Variants in MNAT1 observed in about 807,000 individuals in gnomAD.
MNAT1 encodes the protein MNAT1 component of CDK activating kinase.
In MNAT1, 43 loss-of-function variants were observed where a neutral mutation model predicts 42.0. The ratio of observed to expected loss-of-function variants is 1.02; its 90% CI spans 0.80 to 1.32. The LOEUF (loss-of-function observed/expected upper bound fraction) is 1.32, where lower values mean the gene tolerates loss of function less well. Ranked by LOEUF, MNAT1 falls within the 40% of genes most tolerant of loss-of-function variation. The probability of loss-of-function intolerance (pLI) is 0.00; values close to 1 mark genes in which losing one functional copy is unlikely to be tolerated. For missense variants in MNAT1, 306 were observed against 350.4 expected, an observed-to-expected ratio of 0.87 and a Z score of 1.01; for synonymous variants, 118 against 120.0, an observed-to-expected ratio of 0.98 and a Z score of 0.11.
chr14:60,864,030 A>G (rs2034153542), intron 6 of MNAT1, among the ~76,000 whole-genome samples: 1 of 151,976 alleles, frequency 6.6e-6, no homozygotes, highest in Admixed American at 6.6e-5. Flanking sequence ...AGAAAATATT[A>G]TTTTTGCTTG....
At chr14:60,750,412 A>G (rs2030029407) in intron 1 of MNAT1, among the ~76,000 whole-genome samples, 1 of 150,980 alleles carries the variant, frequency 6.6e-6, no homozygotes, top group Non-Finnish European at 1.5e-5. Flanking sequence ...GTATTTTATT[A>G]GTAGAGATAG....
rs1180333204 is a variant in MNAT1 at position 60,818,731 on chromosome 14, G to C, written c.571G>C (p.Asp191His). The change falls in exon 6 of 8, where the codon GAT (aspartate) becomes CAT (histidine). Residue 191 changes from aspartate (D) to histidine (H), a missense_variant. Asp to His is a moderately conservative substitution (Grantham distance 81). Coordinates refer to ENST00000261245, the MANE Select transcript of MNAT1 (RefSeq NM_002431.4). ...TGAACTATTCTTACAGGAGAGTTCT[G>C]ATCTCCCTGTTGCTCTGCTTTTGGC... Reference protein sequence around the residue: ...QAFLDELESSDLPVALLLAQH... With the variant: ...QAFLDELESSHLPVALLLAQH... 5.0e-6 allele frequency: 8 copies of C among 1,607,060 alleles called. No individual in the cohort carries two copies. The highest frequency in any genetic ancestry group is 2.7e-5 in the African/African-American group (2 of 74,762).
intron 7 of MNAT1, among the ~76,000 whole-genome samples, chr14:60,890,480 T>G (rs1463380081): frequency 2.0e-5 from 3 of 151,998 alleles, no homozygotes; most frequent in Non-Finnish European, 4.4e-5. Context: ...TATTACGGAG[T>G]ATTGACTCAC....
At chr14:60,849,138 T>C (rs953805391) in intron 6 of MNAT1, among the ~76,000 whole-genome samples, 4 of 152,202 alleles carry the variant, frequency 2.6e-5, no homozygotes, top group African/African-American at 9.6e-5. Context: ...TTTTGGATAG[T>C]TTTCTTGTTA....
In MNAT1 at chr14:60,740,023, A is replaced by G. The variant is rs1397209874; in HGVS notation, c.89+5072A>G. On this transcript the variant is annotated intron_variant, in intron 1 of 7. Coordinates refer to ENST00000261245, the MANE Select transcript of MNAT1 (RefSeq NM_002431.4). This position sits in a 1 kb window ranked among gnomAD's most constrained non-coding sequence, Gnocchi z 4.1. ...ACAATAATTAGCTGGGTGTGGTGGC[A>G]TGGGCATGTAATCCCAGGTACTTGG... is the stretch of plus-strand genomic sequence containing the variant. 6.6e-6 allele frequency among the ~76,000 whole-genome samples: 1 copy of G among 152,178 alleles called. No individual in the cohort carries two copies. Among genetic ancestry groups the G allele is most frequent in the Non-Finnish European group, 1.5e-5 (1 of 68,020 alleles).
At chr14:60,933,772 G>C (rs553244652) in intron 7 of MNAT1, among the ~76,000 whole-genome samples, 34 of 151,990 alleles carry the variant, frequency 2.2e-4, no homozygotes, top group Non-Finnish European at 3.8e-4. Context: ...GTATTCCTTT[G>C]AGAGGCTCTG....
chr14:60,857,561 A>G (rs960800113), intron 6 of MNAT1, among the ~76,000 whole-genome samples: 2 of 152,228 alleles, frequency 1.3e-5, no homozygotes, highest in African/African-American at 4.8e-5. Flanking sequence ...AACTTAGTTG[A>G]TAAAGCAGTG....
At position 60,969,666 on chromosome 14, in the gene MNAT1, TC is replaced by T. The variant is rs2036747050; in HGVS notation, c.*1320del. ...TCCTATTCCTGTATCTATTAGGTATTCCCGAACTGAGGATTAGTGTTTTTAA... is the reference window on the plus strand; with the variant it reads ...TCCTATTCCTGTATCTATTAGGTATTCCGAACTGAGGATTAGTGTTTTTAA... On this transcript the variant is annotated 3_prime_UTR_variant, in exon 8 of 8. Coordinates refer to ENST00000261245, the MANE Select transcript of MNAT1 (RefSeq NM_002431.4). The T allele has an allele frequency of 1.3e-5, 2 of 152,142 alleles. No individual in the cohort carries two copies. Among genetic ancestry groups the T allele is most frequent in the South Asian group, 4.1e-4 (2 of 4,828 alleles). 9.4% of individuals were successfully genotyped at this position (152,142 alleles called of 1,614,324 possible). A position where few individuals can be genotyped will look rare whatever the true frequency, so the allele number is the denominator to read the frequency against.
At chr14:60,866,710 C>T (rs2034210830) in intron 6 of MNAT1, among the ~76,000 whole-genome samples, 1 of 152,048 alleles carries the variant, frequency 6.6e-6, no homozygotes, top group South Asian at 2.1e-4. Flanking sequence ...TAAGCCAATA[C>T]AAGGAATTTA....
At chr14:60,941,722 T>C (rs1471850925) in intron 7 of MNAT1, among the ~76,000 whole-genome samples, 1 of 148,068 alleles carries the variant, frequency 6.8e-6, no homozygotes, top group Non-Finnish European at 1.5e-5. Flanking sequence ...AAAAAGTCAA[T>C]GGCCGGGCGC....
chr14:60,871,095 G>A (rs1311490401), intron 6 of MNAT1, among the ~76,000 whole-genome samples: 1 of 152,134 alleles, frequency 6.6e-6, no homozygotes, highest in East Asian at 1.9e-4. Context: ...TTGTTGAATA[G>A]TAATAAAATT....
At chr14:60,834,701 C>A (rs545743769) in intron 6 of MNAT1, among the ~76,000 whole-genome samples, 6 of 152,108 alleles carry the variant, frequency 3.9e-5, no homozygotes, top group Non-Finnish European at 7.4e-5. Flanking sequence ...AGTTCAAGTC[C>A]TGTATATCCT....
intron 7 of MNAT1, among the ~76,000 whole-genome samples, chr14:60,909,582 TC>T (rs1274986870): frequency 6.6e-6 from 1 of 152,128 alleles, no homozygotes; most frequent in Admixed American, 6.5e-5. Context: ...AAATAGGGAA[TC>T]CTTTCCCCAT....
chr14:60,903,634 T>G (rs2035119785), intron 7 of MNAT1, among the ~76,000 whole-genome samples: 1 of 152,184 alleles, frequency 6.6e-6, no homozygotes, highest in African/African-American at 2.4e-5. Context: ...GCTTTCACTG[T>G]GATTGTGCTT....
chr14:60,962,589 A>T lies in MNAT1; in HGVS notation c.810-5640A>T, dbSNP rs561099986. 2.0e-5 allele frequency among the ~76,000 whole-genome samples: 3 copies of T among 152,312 alleles called. No homozygotes were observed. The South Asian group carries it at 6.2e-4, about 32-fold the overall frequency. On this transcript the variant is annotated intron_variant, in intron 7 of 7. Coordinates refer to ENST00000261245, the MANE Select transcript of MNAT1 (RefSeq NM_002431.4). ...ATTAACTGTCAGTAATAACTGTTCT[A>T]TCCAAAATACCTGGTGTGCTCTTTG...
intron 7 of MNAT1, among the ~76,000 whole-genome samples, chr14:60,916,680 A>G (rs1025839573): frequency 1.3e-5 from 2 of 152,044 alleles, no homozygotes; most frequent in African/African-American, 4.8e-5. Context: ...GGCCAGGTGC[A>G]GTGGCTTATG....
chr14:60,950,754 G>A (rs528030269), intron 7 of MNAT1, among the ~76,000 whole-genome samples: 4 of 152,122 alleles, frequency 2.6e-5, no homozygotes, highest in East Asian at 1.9e-4. Flanking sequence ...ATCTTTCGAC[G>A]AAGCTTCATA....
intron 5 of MNAT1, among the ~76,000 whole-genome samples, chr14:60,816,530 T>TA (rs2032721202): frequency 6.6e-6 from 1 of 152,084 alleles, no homozygotes. Flanking sequence ...AAATGGTCAT[T>TA]ATAAAGCTTT....
intron 1 of MNAT1, among the ~76,000 whole-genome samples, chr14:60,757,127 A>G (rs1181533054): frequency 1.3e-5 from 2 of 152,182 alleles, no homozygotes; most frequent in African/African-American, 4.8e-5. Flanking sequence ...TTGTTCAGAA[A>G]CATAACACAG....
Sources: gnomAD v4.1 joint callset for allele counts (sites outside exome capture counted in the v4.1 genomes callset) on GRCh38, gnomAD v4.1.1 for gene constraint, Gnocchi (gnomAD v3.1) non-coding constraint, MANE v1.5 for transcripts, NCBI Gene and HGNC (gene_info 2026-07-23, HGNC 2026-07-21) for gene names.